Variants in ZNF675 observed in about 807,000 individuals in gnomAD.
ZNF675 encodes TRAF6 inhibitory zinc finger.
ZNF675 carries 36 observed loss-of-function variants against 56.1 expected under a neutral mutation model. The observed-to-expected ratio is 0.64, with a 90% CI of 0.49 to 0.85. The LOEUF (loss-of-function observed/expected upper bound fraction) is 0.85, where lower values mean the gene tolerates loss of function less well. ZNF675 is among the 40% of genes least tolerant of loss of function. ZNF675 has a pLI of 0.00. For missense variants in ZNF675, 663 were observed against 654.2 expected, an observed-to-expected ratio of 1.01 and a Z score of -0.15; for synonymous variants, 200 against 218.9, an observed-to-expected ratio of 0.91 and a Z score of 0.76.
At chr19:23,664,906 G>A (rs1418000054) in intron 1 of ZNF675, among the ~76,000 whole-genome samples, 5 of 152,072 alleles carry the variant, frequency 3.3e-5, no homozygotes, top group East Asian at 3.9e-4. Context: ...ACCTCAGGTC[G>A]CACCACTGTA....
chr19:23,666,565 C>G (rs1289905488), intron 1 of ZNF675, among the ~76,000 whole-genome samples: 1 of 152,060 alleles, frequency 6.6e-6, no homozygotes, highest in Non-Finnish European at 1.5e-5. Flanking sequence ...TTCAATAAAC[C>G]CGTTTTGTTC....
At chr19:23,671,177 T>C (rs1383243460) in intron 1 of ZNF675, among the ~76,000 whole-genome samples, 1 of 152,058 alleles carries the variant, frequency 6.6e-6, no homozygotes. Context: ...GAAGGGAAAA[T>C]ACTAATGGCA....
intron 1 of ZNF675, among the ~76,000 whole-genome samples, chr19:23,685,772 C>G (rs1437822961): frequency 6.6e-6 from 1 of 152,094 alleles, no homozygotes; most frequent in Non-Finnish European, 1.5e-5. Flanking sequence ...AAAGGGGAAG[C>G]TGGCATTTGA....
intron 1 of ZNF675, among the ~76,000 whole-genome samples, chr19:23,668,259 A>G (rs6511479): frequency 0.97 from 143,349 of 147,884 alleles, 69,647 homozygotes; most frequent in East Asian, 1. Flanking sequence ...AAGCAGCTAG[A>G]TACAGAGTGT....
chr19:23,679,794 C>T (rs1239609551), intron 1 of ZNF675, among the ~76,000 whole-genome samples: 1 of 150,916 alleles, frequency 6.6e-6, no homozygotes, highest in Non-Finnish European at 1.5e-5. Flanking sequence ...AGTTTGAAAC[C>T]AGTCTGGCCA....
chr19:23,680,324 G>A (rs1354239812), intron 1 of ZNF675, among the ~76,000 whole-genome samples: 1 of 151,402 alleles, frequency 6.6e-6, no homozygotes, highest in Non-Finnish European at 1.5e-5. Flanking sequence ...AATAAAATAG[G>A]TACATAAACA....
At position 23,653,337 on chromosome 19, in the gene ZNF675, TC is replaced by T; in HGVS notation, c.1595del (p.Gly532GlufsTer60). On this transcript the variant is annotated frameshift_variant, in exon 4 of 4. Coordinates refer to ENST00000359788, the MANE Select transcript of ZNF675 (RefSeq NM_138330.3). LOFTEE classifies it high-confidence loss of function. The stretch of plus-strand genomic sequence containing the variant: ...ATCTCTCACATTTATAGGGTTTCTC[TC>T]CAGTATGAATTATCTTATGTTCAGT... ...KLTEHKIIHT[G>X]EKPYKCERCD... 6.2e-7 allele frequency: 1 copy of T among 1,613,764 alleles called. No homozygotes were observed. The highest frequency in any genetic ancestry group is 8.5e-7 in the Non-Finnish European group (1 of 1,179,950).
intron 3 of ZNF675, chr19:23,661,858 TA>T: frequency 2.9e-6 from 1 of 349,774 alleles, no homozygotes; most frequent in South Asian, 4.1e-5. Context: ...CAGTCTCTTG[TA>T]TGCCATGAAG....
rs749341891 is a variant in ZNF675, at chr19:23,653,519, T to C, written c.1414A>G (p.Lys472Glu). Residue 472 changes from lysine to glutamate, a missense_variant, in exon 4 of 4, where the codon AAA becomes GAA. Physicochemically the swap from Lys to Glu is moderately conservative, Grantham distance 56 (BLOSUM62 1). Around this residue, in one of 3 missense-constraint regions of ZNF675, gnomAD observed 617 missense variants for 590.5 expected, o/e 1.04. Transcript: ENST00000359788. ...TAGGGTATCTCTCCAGAATGAATTTTCTTATGTTCAGTAAGTTTTGAGGAT... is the reference window on the plus strand; with the variant it reads ...TAGGGTATCTCTCCAGAATGAATTTCCTTATGTTCAGTAAGTTTTGAGGAT... Reference protein sequence around the residue: ...IQSSKLTEHKKIHSGEIPYKC... With the variant: ...IQSSKLTEHKEIHSGEIPYKC... 1.2e-6 allele frequency: 2 copies of C among 1,613,392 alleles called. No individual in the cohort carries two copies. The highest frequency in any genetic ancestry group is 1.7e-6 in the Non-Finnish European group (2 of 1,179,804).
In ZNF675 at chr19:23,653,562, A is replaced by C; in HGVS notation, c.1371T>G (p.Cys457Trp). The C allele has an allele frequency of 6.2e-7, 1 of 1,613,408 alleles. No individual in the cohort carries two copies. Among genetic ancestry groups the C allele is most frequent in the Non-Finnish European group, 8.5e-7 (1 of 1,179,948 alleles). Residue 457 changes from cysteine to tryptophan, a missense_variant, in exon 4 of 4, where the codon TGT becomes TGG. Coordinates refer to ENST00000359788, the MANE Select transcript of ZNF675 (RefSeq NM_138330.3). ...TTGAGGATTGGATAAAAGCTTTGCC[A>C]CATTCTTCACATTTGTAGGGTTTCT... ...TGKKPYKCEECGKAFIQSSKL... is the reference protein window; with the variant it reads ...TGKKPYKCEEWGKAFIQSSKL...
intron 3 of ZNF675, chr19:23,655,208 G>A (rs1967967396): frequency 6.7e-6 from 1 of 150,082 alleles, no homozygotes; most frequent in Admixed American, 6.7e-5. Context: ...TTACACTCCA[G>A]CCTGGGTGAC....
In ZNF675 at chr19:23,653,811, G is replaced by A. The variant is rs750367099; in HGVS notation, c.1122C>T (p.Gly374=). ...GEQPYKCEEC[G]KAFNRSSNLT... is the part of the protein sequence containing the mutation. ...GATTTGAGGATCGGTTAAAAGCTTT[G>A]CCGCATTCCTCACATTTGTAGGGTT... The change falls in exon 4 of 4, where the codon GGC becomes GGT. Residue 374 remains glycine, a synonymous_variant. Transcript: ENST00000359788. 1 of 1,613,608 alleles carries A rather than the reference G, an allele frequency of 6.2e-7. No individual in the cohort carries two copies. The highest frequency in any genetic ancestry group is 1.3e-5 in the African/African-American group (1 of 74,834).
intron 1 of ZNF675, among the ~76,000 whole-genome samples, chr19:23,684,855 ATTTT>A (rs1359637121): frequency 6.6e-6 from 1 of 151,808 alleles, no homozygotes; most frequent in Non-Finnish European, 1.5e-5. Context: ...TTGAAATGCT[ATTTT>A]TTCTTTCACA....
At chr19:23,677,098 G>GAA (rs57575375) in intron 1 of ZNF675, among the ~76,000 whole-genome samples, 139,225 of 143,440 alleles carry the variant, frequency 0.97, 67,836 homozygotes, top group Middle Eastern at 1. Flanking sequence ...AAAGAGAAAA[G>GAA]AAAAAAAAGA....
chr19:23,662,967 A>C (rs1230788443), intron 2 of ZNF675, 65 bp downstream of exon 2: 53 of 1,429,622 alleles, frequency 3.7e-5, no homozygotes, highest in Non-Finnish European at 4.6e-5. Context: ...CTGGTGACAG[A>C]GCCAGACTCC....
rs1033235438 is a variant in ZNF675, at chr19:23,687,205, T to C, written c.-172A>G. 3.3e-5 allele frequency: 24 copies of C among 725,256 alleles called. No individual in the cohort carries two copies. The highest frequency in any genetic ancestry group is 5.6e-5 in the Non-Finnish European group (24 of 426,658). The allele number at this position is 725,256 out of a possible 1,614,324, so 44.9% of individuals were successfully genotyped here. A position where few individuals can be genotyped will look rare whatever the true frequency, so the allele number is the denominator to read the frequency against. On this transcript the variant is annotated 5_prime_UTR_variant, in exon 1 of 4. The change abolishes an upstream ATG in the 5' untranslated region. Coordinates refer to ENST00000359788, the MANE Select transcript of ZNF675 (RefSeq NM_138330.3). Reference sequence around the variant, plus strand: ...AGGCGCCGCCAAATCCCGGAAGCCATCTTGTCTGCTCCAGCTGCGTGCCTG... The same window carrying C: ...AGGCGCCGCCAAATCCCGGAAGCCACCTTGTCTGCTCCAGCTGCGTGCCTG...
chr19:23,671,453 G>A (rs749483064), intron 1 of ZNF675, among the ~76,000 whole-genome samples: 3 of 152,148 alleles, frequency 2.0e-5, no homozygotes, highest in Non-Finnish European at 2.9e-5. Flanking sequence ...AGAGACTCTT[G>A]CTTCAAATGC....
intron 3 of ZNF675, among the ~76,000 whole-genome samples, chr19:23,661,224 C>T (rs988137511): frequency 6.6e-6 from 1 of 152,106 alleles, no homozygotes; most frequent in Non-Finnish European, 1.5e-5. Context: ...CAGAAAGCTT[C>T]TTTCTAGTTT....
At chr19:23,673,616 T>A (rs921599030) in intron 1 of ZNF675, among the ~76,000 whole-genome samples, 4 of 152,206 alleles carry the variant, frequency 2.6e-5, no homozygotes, top group Non-Finnish European at 4.4e-5. Context: ...TATATGTTTC[T>A]ATCATATCTG....
Sources: gnomAD v4.1 joint callset for allele counts (sites outside exome capture counted in the v4.1 genomes callset) on GRCh38, gnomAD v4.1.1 for gene constraint, gnomAD v4.1.1 regional missense constraint, MANE v1.5 for transcripts, NCBI Gene and HGNC (gene_info 2026-07-23, HGNC 2026-07-21) for gene names.